Variants in ILDR1 observed in about 807,000 individuals in gnomAD.
ILDR1 encodes the protein immunoglobulin like domain containing receptor 1.
Under a neutral mutation model 62.4 loss-of-function variants are expected in ILDR1, and 56 were observed. That is an observed-to-expected ratio of 0.90 (90% CI 0.72 to 1.12). The LOEUF is 1.12. ILDR1 is among the 50% of genes most tolerant of loss of function. ILDR1 has a pLI of 0.00. For synonymous variants in ILDR1, 284 were observed against 277.8 expected, an observed-to-expected ratio of 1.02 and a Z score of -0.22; for missense variants, 736 against 710.6, an observed-to-expected ratio of 1.04 and a Z score of -0.41.
chr3:122,007,531 CCCGTTT>C (rs922963642), intron 1 of ILDR1, among the ~76,000 whole-genome samples: 3 of 152,172 alleles, frequency 2.0e-5, no homozygotes, highest in African/African-American at 7.2e-5. Flanking sequence ...AAAATGGTTT[CCCGTTT>C]CCTAAGGATA....
the ILDR1 span, among the ~76,000 whole-genome samples, chr3:122,049,170 A>G: frequency 5.3e-5 from 8 of 151,952 alleles, no homozygotes; most frequent in African/African-American, 1.9e-4. Context: ...GCATTTCCAC[A>G]TATTTGTGAA....
the ILDR1 span, among the ~76,000 whole-genome samples, chr3:122,047,988 T>C: frequency 6.6e-6 from 1 of 152,256 alleles, no homozygotes; most frequent in Admixed American, 6.5e-5. Context: ...TCCAGCACTG[T>C]GTTGAATAGA....
At chr3:122,039,674 A>T in the ILDR1 span, among the ~76,000 whole-genome samples, 1 of 152,086 alleles carries the variant, frequency 6.6e-6, no homozygotes, top group African/African-American at 2.4e-5. Flanking sequence ...ATGATGTATA[A>T]TATGGGTTAG....
chr3:122,057,330 A>G, the ILDR1 span, among the ~76,000 whole-genome samples: 11 of 152,340 alleles, frequency 7.2e-5, no homozygotes, highest in Non-Finnish European at 1.5e-4. Flanking sequence ...TCTAATAAGG[A>G]AAATCTTAGA....
At chr3:122,005,883 G>A (rs2107662786) in intron 2 of ILDR1, among the ~76,000 whole-genome samples, 1 of 151,668 alleles carries the variant, frequency 6.6e-6, no homozygotes, top group South Asian at 2.1e-4. Context: ...TGGGCAACAA[G>A]AGCGAAACTC....
intron 5 of ILDR1, among the ~76,000 whole-genome samples, chr3:121,999,614 C>T (rs1347615020): frequency 6.6e-6 from 1 of 152,154 alleles, no homozygotes; most frequent in Non-Finnish European, 1.5e-5. Flanking sequence ...AGTGTGGCTC[C>T]TCTACCAGCA....
the ILDR1 span, among the ~76,000 whole-genome samples, chr3:122,041,301 G>C: frequency 6.6e-6 from 1 of 152,178 alleles, no homozygotes; most frequent in African/African-American, 2.4e-5. Flanking sequence ...GAGTGGGTTT[G>C]TTATCACTGC....
intron 7 of ILDR1, among the ~76,000 whole-genome samples, chr3:121,989,497 C>G (rs2071306804): frequency 6.6e-6 from 1 of 152,198 alleles, no homozygotes; most frequent in Non-Finnish European, 1.5e-5. Context: ...TGTATTAGAA[C>G]AGGTGTATAC....
chr3:122,007,089 T>C lies in ILDR1; in HGVS notation c.131A>G (p.Lys44Arg), dbSNP rs143709160. The C allele has an allele frequency of 6.2e-7, 1 of 1,614,020 alleles. No homozygotes were observed. The highest frequency in any genetic ancestry group is 1.1e-5 in the South Asian group (1 of 91,068). The change falls in exon 2 of 8, where the codon AAA becomes AGA. Residue 44 changes from lysine to arginine, a missense_variant. By Grantham distance (26) the Lys-to-Arg change is conservative (BLOSUM62 2). Coordinates refer to ENST00000344209, the MANE Select transcript of ILDR1 (RefSeq NM_001199799.2). ...CTGGGCAGAGGTGGTGTAGTCACAT[T>C]TGAGGATGATAGAGGCAAACAGGGT... Reference protein sequence around the residue: ...YVTLFASIILKCDYTTSAQLQ... With the variant: ...YVTLFASIILRCDYTTSAQLQ...
At chr3:122,013,872 A>G (rs773890090) in intron 1 of ILDR1, among the ~76,000 whole-genome samples, 23 of 152,190 alleles carry the variant, frequency 1.5e-4, no homozygotes, top group Non-Finnish European at 2.6e-4. Context: ...CTGAGCACTT[A>G]CTATGTTGTT....
At chr3:122,052,708 G>A in the ILDR1 span, among the ~76,000 whole-genome samples, 1 of 152,174 alleles carries the variant, frequency 6.6e-6, no homozygotes, top group Non-Finnish European at 1.5e-5. Flanking sequence ...CAAGTAGCTG[G>A]GAGGAATGTG....
chr3:122,013,518 T>C (rs2071733446), intron 1 of ILDR1, among the ~76,000 whole-genome samples: 1 of 152,146 alleles, frequency 6.6e-6, no homozygotes, highest in Non-Finnish European at 1.5e-5. Context: ...GGTTCAATGC[T>C]ATCAGAGTTT....
At chr3:122,000,421 T>G (rs1350926745) in intron 5 of ILDR1, among the ~76,000 whole-genome samples, 1 of 152,220 alleles carries the variant, frequency 6.6e-6, no homozygotes, top group Non-Finnish European at 1.5e-5. Flanking sequence ...AGGAGCTTCC[T>G]GGCTGCTGAA....
At chr3:122,027,761 A>T in the ILDR1 span, among the ~76,000 whole-genome samples, 1 of 152,218 alleles carries the variant, frequency 6.6e-6, no homozygotes, top group African/African-American at 2.4e-5. Flanking sequence ...ATGCTTTATA[A>T]TAAACTAGTA....
At chr3:122,056,429 G>T in the ILDR1 span, among the ~76,000 whole-genome samples, 1 of 152,192 alleles carries the variant, frequency 6.6e-6, no homozygotes, top group African/African-American at 2.4e-5. Context: ...CCGCCTCTCG[G>T]ATTCAAACGA....
chr3:122,038,310 GA>G, the ILDR1 span, among the ~76,000 whole-genome samples: 5 of 152,156 alleles, frequency 3.3e-5, no homozygotes, highest in Non-Finnish European at 5.9e-5. Context: ...ACAAAGCAGG[GA>G]AACACAAAAC....
chr3:122,021,235 T>C (rs982057305), intron 1 of ILDR1, among the ~76,000 whole-genome samples: 19 of 152,146 alleles, frequency 1.2e-4, no homozygotes, highest in African/African-American at 4.3e-4. Context: ...CTTTGCAAGG[T>C]CACACCTACA....
the ILDR1 span, among the ~76,000 whole-genome samples, chr3:122,053,452 G>A: frequency 2.0e-5 from 3 of 152,004 alleles, no homozygotes; most frequent in Non-Finnish European, 4.4e-5. Context: ...ACTCCTAAAT[G>A]TATATACTAA....
At chr3:122,041,608 T>C in the ILDR1 span, among the ~76,000 whole-genome samples, 76 of 152,344 alleles carry the variant, frequency 5.0e-4, no homozygotes, top group South Asian at 1.9e-3. Flanking sequence ...GTTTTCAGCA[T>C]ATAGGTCTTT....
Sources: gnomAD v4.1 joint callset for allele counts (sites outside exome capture counted in the v4.1 genomes callset) on GRCh38, gnomAD v4.1.1 for gene constraint, MANE v1.5 for transcripts, NCBI Gene and HGNC (gene_info 2026-07-23, HGNC 2026-07-21) for gene names.